Variants in EPHB1 observed in about 807,000 individuals in gnomAD.
EPHB1 encodes the protein ephrin type-B receptor 1.
A neutral mutation model predicts 94.4 loss-of-function variants in EPHB1; 30 were observed. The ratio of observed to expected loss-of-function variants is 0.32; its 90% CI spans 0.24 to 0.43. EPHB1 has a LOEUF of 0.43. Ranked by LOEUF, EPHB1 falls within the 20% of genes least tolerant of loss-of-function variation. The pLI is 1.00. For synonymous variants in EPHB1, 522 were observed against 489.1 expected (o/e 1.07, Z -0.89); for missense variants, 1,055 against 1,308.3 (o/e 0.81, Z 2.99).
chr3:134,889,340 C>T (rs966498761), intron 1 of EPHB1, among the ~76,000 whole-genome samples: 3 of 152,034 alleles, frequency 2.0e-5, no homozygotes, highest in Non-Finnish European at 4.4e-5. Context: ...TCACTAGAGT[C>T]TTCAAAGAAA....
At chr3:135,244,614 T>C (rs1943877093) in intron 13 of EPHB1, among the ~76,000 whole-genome samples, 1 of 152,200 alleles carries the variant, frequency 6.6e-6, no homozygotes, top group Non-Finnish European at 1.5e-5. Flanking sequence ...GAAGGTGCTT[T>C]TCCACTCCTC....
intron 2 of EPHB1, among the ~76,000 whole-genome samples, chr3:134,940,130 C>A (rs1228278859): frequency 6.6e-6 from 1 of 150,612 alleles, no homozygotes; most frequent in African/African-American, 2.4e-5. Context: ...GGAGTTTAGC[C>A]TTTTAGTTCC....
At chr3:135,256,104 A>G (rs536125178) in intron 15 of EPHB1, among the ~76,000 whole-genome samples, 10 of 152,230 alleles carry the variant, frequency 6.6e-5, no homozygotes, top group Admixed American at 4.6e-4. Flanking sequence ...TTTTGAGCCT[A>G]TGTGTGTCTT....
chr3:135,044,685 T>A (rs542997457), intron 3 of EPHB1, among the ~76,000 whole-genome samples: 1 of 152,366 alleles, frequency 6.6e-6, no homozygotes, highest in African/African-American at 2.4e-5. Flanking sequence ...GCACAATGTC[T>A]ATTCTTGAGC....
chr3:135,121,985 G>GCAGT (rs1229443868), intron 4 of EPHB1, among the ~76,000 whole-genome samples: 1 of 152,130 alleles, frequency 6.6e-6, no homozygotes, highest in Non-Finnish European at 1.5e-5. Flanking sequence ...CATAAAGAGG[G>GCAGT]CAGTGTTCCC....
chr3:134,854,283 C>T (rs530160764), intron 1 of EPHB1, among the ~76,000 whole-genome samples: 3 of 152,072 alleles, frequency 2.0e-5, no homozygotes, highest in Non-Finnish European at 4.4e-5. Flanking sequence ...GAATAGGATT[C>T]TGCTTGATGA....
intron 1 of EPHB1, among the ~76,000 whole-genome samples, chr3:134,830,541 G>A (rs1346708234): frequency 6.6e-6 from 1 of 152,140 alleles, no homozygotes; most frequent in Non-Finnish European, 1.5e-5. Context: ...TGGGGGTCTG[G>A]GCCGAGGAGC....
At chr3:135,161,176 A>T (rs1337103538) in intron 6 of EPHB1, among the ~76,000 whole-genome samples, 1 of 152,186 alleles carries the variant, frequency 6.6e-6, no homozygotes, top group Non-Finnish European at 1.5e-5. Context: ...AAAAAGAGTC[A>T]TGCTTCTGGA....
intron 3 of EPHB1, among the ~76,000 whole-genome samples, chr3:134,984,504 C>A (rs546206251): frequency 2.6e-5 from 4 of 152,294 alleles, no homozygotes; most frequent in East Asian, 1.9e-4. Context: ...TAAAACTCTT[C>A]AAGAAGCCTT....
chr3:135,150,808 T>C (rs774825787), intron 5 of EPHB1, among the ~76,000 whole-genome samples: 1 of 152,236 alleles, frequency 6.6e-6, no homozygotes, highest in Non-Finnish European at 1.5e-5. Context: ...GTCTCCAACA[T>C]GGACCTTATG....
chr3:134,901,557 C>G (rs1225757498), intron 1 of EPHB1, among the ~76,000 whole-genome samples: 1 of 152,240 alleles, frequency 6.6e-6, no homozygotes, highest in East Asian at 1.9e-4. Context: ...CCACAGGCTT[C>G]TCACCTGCTG....
intron 2 of EPHB1, among the ~76,000 whole-genome samples, 173 bp downstream of exon 2, chr3:134,926,053 G>C (rs1339034134): frequency 6.6e-6 from 1 of 152,210 alleles, no homozygotes; most frequent in Non-Finnish European, 1.5e-5. Context: ...TCAGACCTGA[G>C]CTGCTGCCTC....
At chr3:134,852,529 G>C (rs901725712) in intron 1 of EPHB1, 8 of 152,170 alleles carry the variant, frequency 5.3e-5, no homozygotes, top group African/African-American at 1.7e-4. Context: ...GCATCCAACT[G>C]CAACAGAATA....
chr3:134,940,202 G>A (rs888353880), intron 2 of EPHB1, among the ~76,000 whole-genome samples: 1 of 152,162 alleles, frequency 6.6e-6, no homozygotes, highest in Admixed American at 6.5e-5. Flanking sequence ...TCCACACCCT[G>A]GTGACTCAGC....
In EPHB1 at chr3:134,951,184, A is replaced by G. The variant is rs1031426606; in HGVS notation, c.124-187A>G. Among the ~76,000 whole-genome samples, 12 of 152,140 alleles carry G rather than the reference A, an allele frequency of 7.9e-5. No homozygotes were observed. Among genetic ancestry groups the G allele is most frequent in the African/African-American group, 2.2e-4 (9 of 41,424 alleles). ...TGGGATGGGCTGCAAAAAAATCTGA[A>G]GTTTTCTTATAAGATCTTTAAAATC... On this transcript the variant is annotated intron_variant, in intron 2 of 15. Coordinates refer to ENST00000398015, the MANE Select transcript of EPHB1 (RefSeq NM_004441.5). This position sits in a 1 kb window ranked among gnomAD's most constrained non-coding sequence, Gnocchi z 4.5.
chr3:134,952,910 G>A (rs895604261), intron 3 of EPHB1, among the ~76,000 whole-genome samples: 10 of 152,192 alleles, frequency 6.6e-5, no homozygotes, highest in African/African-American at 2.4e-4. Context: ...GTGCATGGAA[G>A]CTGAACGTGG....
At chr3:134,995,352 T>A (rs1301662330) in intron 3 of EPHB1, among the ~76,000 whole-genome samples, 8 of 152,232 alleles carry the variant, frequency 5.3e-5, no homozygotes, top group Admixed American at 2.6e-4. Flanking sequence ...TGAGTAGCAT[T>A]CTATGGTATG....
intron 4 of EPHB1, among the ~76,000 whole-genome samples, chr3:135,132,456 C>T (rs187533204): frequency 2.6e-5 from 4 of 152,220 alleles, no homozygotes; most frequent in Non-Finnish European, 5.9e-5. Flanking sequence ...GTCCTGGAAC[C>T]GTCTTTCCCT....
Position 135,241,178 on chromosome 3 carries a change from C to A in EPHB1, c.2377C>A (p.Pro793Thr). 6.2e-7 allele frequency: 1 copy of A among 1,614,194 alleles called. No homozygotes were observed. Among genetic ancestry groups the A allele is most frequent in the Non-Finnish European group, 8.5e-7 (1 of 1,180,034 alleles). Residue 793 changes from proline (P) to threonine (T), a missense_variant, in exon 13 of 16, where the codon CCA (proline) becomes ACA (threonine). Transcript: ENST00000398015. The part of the protein sequence containing the change: ...GGKIPVRWTA[P>T]EAIAYRKFTS... ...GAAGATCCCTGTGAGATGGACAGCT[C>A]CAGAGGCCATCGCCTACCGCAAGTT...
Sources: allele counts gnomAD v4.1 joint callset (sites outside exome capture counted in the v4.1 genomes callset), GRCh38; gene constraint gnomAD v4.1.1; non-coding constraint Gnocchi (gnomAD v3.1); transcripts MANE v1.5; gene names NCBI Gene and HGNC (gene_info 2026-07-23, HGNC 2026-07-21).